The following NELL1 variants were observed in gnomAD, a reference collection of about 807,000 sequenced individuals.
NELL1 encodes the protein neural EGFL like 1, also known as protein kinase C-binding protein NELL1.
NELL1 carries 76 observed loss-of-function variants against 107.4 expected under a neutral mutation model. That is an observed-to-expected ratio of 0.71 (90% confidence interval 0.59 to 0.86). NELL1 has a LOEUF of 0.86. Ranked by LOEUF, NELL1 falls within the 40% of genes least tolerant of loss-of-function variation. The pLI, the probability that NELL1 is intolerant of heterozygous loss-of-function variation, is 0.00. For missense variants in NELL1, 1,024 were observed against 1,005.5 expected (o/e 1.02, Z -0.25); for synonymous variants, 353 against 341.2 (o/e 1.03, Z -0.38).
chr11:20,751,731 C>G (rs892604533), intron 2 of NELL1, among the ~76,000 whole-genome samples: 4 of 152,052 alleles, frequency 2.6e-5, no homozygotes, highest in African/African-American at 9.7e-5. Context: ...CTCAAGCAAT[C>G]CTCCTGCCTC....
chr11:21,496,727 C>T (rs753839062), intron 15 of NELL1, among the ~76,000 whole-genome samples: 1 of 152,052 alleles, frequency 6.6e-6, no homozygotes, highest in Non-Finnish European at 1.5e-5. Context: ...CTTTGTATTT[C>T]TACTTTATAC....
At chr11:20,797,413 A>C (rs1857191364) in intron 3 of NELL1, among the ~76,000 whole-genome samples, 1 of 151,936 alleles carries the variant, frequency 6.6e-6, no homozygotes, top group South Asian at 2.1e-4. Context: ...AAATACAAAA[A>C]AAATTAGGTG....
At position 21,244,292 on chromosome 11, in the gene NELL1, C is replaced by T. The variant is rs554119979; in HGVS notation, c.1549+14838C>T. On this transcript the variant is annotated intron_variant, in intron 14 of 19. Coordinates refer to ENST00000357134, the MANE Select transcript of NELL1 (RefSeq NM_006157.5). ...ACATAATGATTTTCATAATGATCTG[C>T]TCACTGTGCTGATGCTTATTAACTT... 6.6e-5 allele frequency among the ~76,000 whole-genome samples: 10 copies of T among 152,222 alleles called. 1 individual carries two copies. The South Asian group carries it at 2.1e-3, about 32-fold the overall frequency.
chr11:20,752,565 A>G (rs1856165834), intron 2 of NELL1, among the ~76,000 whole-genome samples: 1 of 152,148 alleles, frequency 6.6e-6, no homozygotes, highest in African/African-American at 2.4e-5. Flanking sequence ...AAATAAATAA[A>G]TACATAAAAT....
intron 14 of NELL1, among the ~76,000 whole-genome samples, chr11:21,320,797 A>G (rs1849991978): frequency 6.6e-6 from 1 of 152,198 alleles, no homozygotes; most frequent in African/African-American, 2.4e-5. Flanking sequence ...GCTGCTGTCC[A>G]GGATGAGACC....
intron 2 of NELL1, among the ~76,000 whole-genome samples, chr11:20,751,615 T>A (rs1856140893): frequency 6.6e-6 from 1 of 151,164 alleles, no homozygotes; most frequent in African/African-American, 2.4e-5. Flanking sequence ...TAGCTGGGAC[T>A]ACAGACACAT....
At chr11:21,489,838 C>A (rs75508126) in intron 15 of NELL1, among the ~76,000 whole-genome samples, 2,308 of 152,090 alleles carry the variant, frequency 0.015, 65 homozygotes, top group African/African-American at 0.052. Flanking sequence ...AGCTGACTTA[C>A]ATCATAGTGA....
intron 12 of NELL1, among the ~76,000 whole-genome samples, chr11:21,009,013 T>C (rs987399324): frequency 7.2e-5 from 11 of 151,980 alleles, no homozygotes; most frequent in African/African-American, 2.7e-4. Context: ...CTGTGGCAAT[T>C]TGATTGGTGG....
intron 2 of NELL1, among the ~76,000 whole-genome samples, chr11:20,710,819 G>A (rs930474791): frequency 6.6e-5 from 10 of 151,974 alleles, no homozygotes; most frequent in African/African-American, 2.2e-4. Flanking sequence ...GAGCAAAGGT[G>A]TTCACAGTAG....
intron 13 of NELL1, among the ~76,000 whole-genome samples, chr11:21,217,760 A>AC (rs1857652058): frequency 6.6e-6 from 1 of 152,222 alleles, no homozygotes; most frequent in Non-Finnish European, 1.5e-5. Context: ...TTTGAACAAA[A>AC]TAAAGCCACA....
At chr11:21,323,827 G>GC (rs921468799) in intron 14 of NELL1, among the ~76,000 whole-genome samples, 1 of 151,990 alleles carries the variant, frequency 6.6e-6, no homozygotes, top group African/African-American at 2.4e-5. Context: ...GACTCTATCT[G>GC]CCCCCTACTG....
chr11:20,968,137 C>G (rs981492084), intron 12 of NELL1, among the ~76,000 whole-genome samples: 2 of 152,174 alleles, frequency 1.3e-5, no homozygotes, highest in South Asian at 4.1e-4. Context: ...TCAGTTACCC[C>G]CTATACCATT....
intron 14 of NELL1, among the ~76,000 whole-genome samples, chr11:21,340,962 C>T (rs114885883): frequency 0.012 from 1,873 of 152,258 alleles, 35 homozygotes; most frequent in African/African-American, 0.042. Flanking sequence ...TTCTCACATT[C>T]TCTTATTCTT....
chr11:21,278,613 A>G (rs537530435), intron 14 of NELL1, among the ~76,000 whole-genome samples: 4 of 152,330 alleles, frequency 2.6e-5, no homozygotes, highest in South Asian at 4.1e-4. Context: ...GAGGAAAACT[A>G]TAAAACTCAG....
At chr11:21,349,025 G>A (rs1174720076) in intron 14 of NELL1, among the ~76,000 whole-genome samples, 4 of 152,118 alleles carry the variant, frequency 2.6e-5, no homozygotes, top group Admixed American at 2.6e-4. Context: ...CAGGAAATCA[G>A]GTGTGTCTGA....
intron 14 of NELL1, among the ~76,000 whole-genome samples, chr11:21,280,818 CAATTT>C (rs750328402): frequency 5.3e-5 from 8 of 152,082 alleles, no homozygotes; most frequent in Admixed American, 3.9e-4. Context: ...TAATAAATAA[CAATTT>C]AAGTTAATAA....
chr11:21,029,333 T>C (rs572665684), intron 12 of NELL1, among the ~76,000 whole-genome samples: 1 of 152,310 alleles, frequency 6.6e-6, no homozygotes, highest in East Asian at 1.9e-4. Flanking sequence ...TTACAACGTC[T>C]ATACTGTCTT....
At position 20,735,719 on chromosome 11, in the gene NELL1, A is replaced by G. The variant is rs180738276; in HGVS notation, c.185-47961A>G. ...TAAGGTTAAAAGAGAAAGGATGGTA[A>G]AGAAACAGAGACAAGTATAGCCAGC... On this transcript the variant is annotated intron_variant, in intron 2 of 19. Coordinates refer to ENST00000357134, the MANE Select transcript of NELL1 (RefSeq NM_006157.5). 2.8e-3 allele frequency among the ~76,000 whole-genome samples: 431 copies of G among 152,318 alleles called. 1 individual carries two copies. Among genetic ancestry groups the G allele is most frequent in the African/African-American group, 9.9e-3 (413 of 41,570 alleles).
At chr11:20,792,188 G>A (rs894628294) in intron 3 of NELL1, among the ~76,000 whole-genome samples, 3 of 151,948 alleles carry the variant, frequency 2.0e-5, no homozygotes, top group Non-Finnish European at 4.4e-5. Flanking sequence ...CATACCACGT[G>A]CCAAACATTA....
Sources: gnomAD v4.1 joint callset for allele counts (sites outside exome capture counted in the v4.1 genomes callset) on GRCh38, gnomAD v4.1.1 for gene constraint, MANE v1.5 for transcripts, NCBI Gene and HGNC (gene_info 2026-07-23, HGNC 2026-07-21) for gene names.